Variants in SFMBT2 observed in about 807,000 individuals in gnomAD.
The protein encoded by SFMBT2 is Scm like with four mbt domains 2, also known as scm-like with four MBT domains protein 2.
In SFMBT2, 38 loss-of-function variants were observed where a neutral mutation model predicts 110.1. That is an observed-to-expected ratio of 0.35 (90% CI 0.27 to 0.45). SFMBT2 has a LOEUF of 0.45. Ranked by LOEUF, SFMBT2 falls within the 20% of genes least tolerant of loss-of-function variation. The probability of loss-of-function intolerance (pLI) is 1.00; values close to 1 mark genes in which losing one functional copy is unlikely to be tolerated. For missense variants in SFMBT2, 1,011 were observed against 1,094.9 expected, an observed-to-expected ratio of 0.92 and a Z score of 1.08; for synonymous variants, 425 against 425.4, an observed-to-expected ratio of 1.00 and a Z score of 0.01.
At chr10:7,403,403 G>A (rs940281479) in intron 1 of SFMBT2, among the ~76,000 whole-genome samples, 2 of 152,208 alleles carry the variant, frequency 1.3e-5, no homozygotes, top group African/African-American at 4.8e-5. Flanking sequence ...AGCACTTTGG[G>A]AGGCTGAGGC....
rs1837568734 is a variant in SFMBT2 at position 7,162,233 on chromosome 10, G to A, written c.*1537C>T. 6.6e-6 allele frequency: 1 copy of A among 152,188 alleles called. No individual in the cohort carries two copies. The highest frequency in any genetic ancestry group is 1.5e-5 in the Non-Finnish European group (1 of 68,050). The allele number at this position is 152,188 out of a possible 1,614,324, so 9.4% of individuals were successfully genotyped here. A position where few individuals can be genotyped will look rare whatever the true frequency, so the allele number is the denominator to read the frequency against. ...CAAAGCCAGAAAGAGCTGTAAGAAT[G>A]GCCGAGTCAGAACTGGGACCAGACC... On this transcript the variant is annotated 3_prime_UTR_variant, in exon 21 of 21. Transcript: ENST00000397167.
At chr10:7,228,181 T>C (rs145232698) in intron 9 of SFMBT2, among the ~76,000 whole-genome samples, 1 of 152,124 alleles carries the variant, frequency 6.6e-6, no homozygotes, top group Non-Finnish European at 1.5e-5. Context: ...AACTTACCCA[T>C]GGCGGCACCA....
intron 7 of SFMBT2, among the ~76,000 whole-genome samples, chr10:7,275,096 C>T (rs1841728049): frequency 2.6e-5 from 4 of 152,288 alleles, no homozygotes; most frequent in East Asian, 1.9e-4. Context: ...AGGCAGGACC[C>T]GCACAGCTGT....
chr10:7,258,899 A>G (rs1841115301), intron 7 of SFMBT2, among the ~76,000 whole-genome samples: 1 of 152,280 alleles, frequency 6.6e-6, no homozygotes, highest in Admixed American at 6.5e-5. Flanking sequence ...TGTAATTTTA[A>G]AATCTATTGC....
At chr10:7,339,039 A>G (rs1033925282) in intron 4 of SFMBT2, among the ~76,000 whole-genome samples, 1 of 152,198 alleles carries the variant, frequency 6.6e-6, no homozygotes, top group Non-Finnish European at 1.5e-5. Flanking sequence ...CAGGAGTTCG[A>G]GACCAGCCTG....
chr10:7,370,320 C>A lies in SFMBT2; in HGVS notation c.156G>T (p.Glu52Asp), dbSNP rs144981238. ...TGFNWGEYLE[E>D]TGASAAPHTS... The stretch of plus-strand genomic sequence containing the variant: ...TGTGGGGAGCAGCACTTGCTCCTGT[C>A]TCTTCCAAATATTCTCCCCAGTTAA... Residue 52 changes from glutamate to aspartate, a missense_variant, in exon 3 of 21, where the codon GAG (glutamate) becomes GAT (aspartate). Physicochemically the swap from Glu to Asp is conservative, Grantham distance 45 (BLOSUM62 2). This residue lies in a region of SFMBT2 where 979 missense variants were observed against 1,016.1 expected (regional missense o/e 0.96). Coordinates refer to ENST00000397167, the MANE Select transcript of SFMBT2 (RefSeq NM_001387889.1). 473 of 1,614,168 alleles carry A rather than the reference C, an allele frequency of 2.9e-4. 5 individuals are homozygous for A. The African/African-American group carries it at 5.5e-3, about 19-fold the overall frequency.
At chr10:7,230,676 T>C (rs1174363987) in intron 9 of SFMBT2, among the ~76,000 whole-genome samples, 1 of 152,196 alleles carries the variant, frequency 6.6e-6, no homozygotes, top group East Asian at 1.9e-4. Flanking sequence ...CTCACACCCA[T>C]AATCCCAGCA....
At position 7,163,163 on chromosome 10, in the gene SFMBT2, T is replaced by G. The variant is rs562535161; in HGVS notation, c.*607A>C. The stretch of plus-strand genomic sequence containing the variant: ...CAAACAAACAAACCATCTAGTTGCA[T>G]GGAGATGCCTGCCGGCCTTCCTTCA... On this transcript the variant is annotated 3_prime_UTR_variant, in exon 21 of 21. Coordinates refer to ENST00000397167, the MANE Select transcript of SFMBT2 (RefSeq NM_001387889.1). This position sits in a 1 kb window ranked among gnomAD's most constrained non-coding sequence, Gnocchi z 4.8. 1 of 159,124 alleles carries G rather than the reference T, an allele frequency of 6.3e-6. No individual in the cohort carries two copies. Among genetic ancestry groups the G allele is most frequent in the East Asian group, 1.8e-4 (1 of 5,436 alleles). 9.9% of individuals were successfully genotyped at this position (159,124 alleles called of 1,614,324 possible).
chr10:7,282,786 T>C (rs1030350003), intron 6 of SFMBT2, among the ~76,000 whole-genome samples: 3 of 152,174 alleles, frequency 2.0e-5, no homozygotes, highest in Non-Finnish European at 2.9e-5. Flanking sequence ...CATCGGCAAC[T>C]AATATGGGAG....
intron 1 of SFMBT2, among the ~76,000 whole-genome samples, chr10:7,407,849 G>A (rs567977066): frequency 6.6e-6 from 1 of 152,166 alleles, no homozygotes; most frequent in East Asian, 1.9e-4. Context: ...GTCCCCATCC[G>A]CGTCCCCGGG....
intron 2 of SFMBT2, among the ~76,000 whole-genome samples, chr10:7,374,213 G>A (rs777263679): frequency 1.3e-5 from 2 of 152,190 alleles, no homozygotes; most frequent in African/African-American, 4.8e-5. Context: ...AGTGAGCTGA[G>A]ATGGTGCCAC....
At chr10:7,192,653 C>T (rs1838635018) in intron 15 of SFMBT2, among the ~76,000 whole-genome samples, 1 of 152,154 alleles carries the variant, frequency 6.6e-6, no homozygotes, top group Admixed American at 6.5e-5. Flanking sequence ...GCCACAGGGG[C>T]AGAAATCGAA....
At chr10:7,406,155 T>G (rs1846204428) in intron 1 of SFMBT2, among the ~76,000 whole-genome samples, 1 of 151,552 alleles carries the variant, frequency 6.6e-6, no homozygotes, top group Admixed American at 6.6e-5. Context: ...AAGTACAGAG[T>G]AATAAAATAT....
chr10:7,394,764 G>A (rs75807240), intron 1 of SFMBT2, among the ~76,000 whole-genome samples: 3,353 of 152,218 alleles, frequency 0.022, 49 homozygotes, highest in Middle Eastern at 0.051. Flanking sequence ...TCATCTTGAA[G>A]CAATGTCTAC....
intron 4 of SFMBT2, among the ~76,000 whole-genome samples, chr10:7,288,455 G>A (rs1296397246): frequency 6.6e-6 from 1 of 152,004 alleles, no homozygotes; most frequent in African/African-American, 2.4e-5. Context: ...AATATTGTAC[G>A]CTCAGCACGT....
chr10:7,340,310 G>C (rs1413488458), intron 4 of SFMBT2, among the ~76,000 whole-genome samples: 2 of 152,106 alleles, frequency 1.3e-5, no homozygotes, highest in African/African-American at 4.8e-5. Flanking sequence ...AGGAGGAGGA[G>C]TTGGTCTTGC....
Position 7,172,053 on chromosome 10 carries a change from G to A in SFMBT2, c.2257C>T (p.Pro753Ser). The change falls in exon 19 of 21, where the codon CCC (proline) becomes TCC (serine). Residue 753 changes from proline to serine, a missense_variant. Around this residue, in one of 2 missense-constraint regions of SFMBT2, gnomAD observed 979 missense variants for 1,016.1 expected, o/e 0.96. Transcript: ENST00000397167. The surrounding 1 kb of genome is among the most constrained non-coding windows in gnomAD (Gnocchi z 4.6). ...DQTDTSSAEV[P>S]SARPRRAVTL... ...ACGGCCCTCCGGGGCCGGGCCGAGG[G>A]CACCTCCGCCGACGAGGTGTCCGTC... The A allele has an allele frequency of 6.3e-7, 1 of 1,598,116 alleles. No individual in the cohort carries two copies. Among genetic ancestry groups the A allele is most frequent in the Non-Finnish European group, 8.5e-7 (1 of 1,172,610 alleles).
At chr10:7,219,113 A>G (rs1839638559) in intron 11 of SFMBT2, among the ~76,000 whole-genome samples, 1 of 152,262 alleles carries the variant, frequency 6.6e-6, no homozygotes, top group South Asian at 2.1e-4. Context: ...AGTGTTAGAT[A>G]GCAAGTTAAA....
chr10:7,295,302 G>C (rs1383687915), intron 4 of SFMBT2: 22 of 152,186 alleles, frequency 1.4e-4, no homozygotes, highest in Admixed American at 1.4e-3. Flanking sequence ...TATTCGTCTG[G>C]CTGTCCACTC....
Sources: gnomAD v4.1 joint callset for allele counts (sites outside exome capture counted in the v4.1 genomes callset) on GRCh38, gnomAD v4.1.1 for gene constraint, gnomAD v4.1.1 regional missense constraint, Gnocchi (gnomAD v3.1) non-coding constraint, MANE v1.5 for transcripts, NCBI Gene and HGNC (gene_info 2026-07-23, HGNC 2026-07-21) for gene names.